CSF1R: variants seen among roughly 807,000 people sequenced by gnomAD.
The protein encoded by CSF1R is colony stimulating factor 1 receptor, also known as macrophage colony-stimulating factor 1 receptor.
In CSF1R, 40 loss-of-function variants were observed where a neutral mutation model predicts 110.0. That is an observed-to-expected ratio of 0.36 (90% CI 0.28 to 0.47). The LOEUF (loss-of-function observed/expected upper bound fraction) is 0.47. Among genes scored for constraint, CSF1R ranks in the 20% least tolerant of loss-of-function variants. The pLI is 0.99. For missense variants in CSF1R, 1,052 were observed against 1,253.0 expected (o/e 0.84, Z 2.42); for synonymous variants, 523 against 503.4 (o/e 1.04, Z -0.52).
At chr5:150,092,636 G>A (rs1329157417) in intron 1 of CSF1R, among the ~76,000 whole-genome samples, 3 of 152,090 alleles carry the variant, frequency 2.0e-5, no homozygotes, top group Non-Finnish European at 4.4e-5. Context: ...ATATGCAGGG[G>A]AACTCCCATT....
chr5:150,100,903 G>C (rs1208609241), intron 1 of CSF1R, among the ~76,000 whole-genome samples: 1 of 151,968 alleles, frequency 6.6e-6, no homozygotes, highest in African/African-American at 2.4e-5. Flanking sequence ...ATACAGCTAC[G>C]CACAATTATA....
intron 1 of CSF1R, 134 bp from the exon 2 acceptor site, chr5:150,081,158 G>A: frequency 3.1e-6 from 3 of 968,342 alleles, no homozygotes; most frequent in Non-Finnish European, 4.6e-6. Flanking sequence ...ACGAGCCCCT[G>A]CCCCCTGGTC....
At chr5:150,092,665 C>T (rs955441829) in intron 1 of CSF1R, among the ~76,000 whole-genome samples, 4 of 152,130 alleles carry the variant, frequency 2.6e-5, no homozygotes, top group African/African-American at 7.2e-5. Context: ...CATCAGATCT[C>T]GTGAGACTTA....
chr5:150,072,549 T>A (rs1402729136), intron 6 of CSF1R, among the ~76,000 whole-genome samples: 1 of 152,200 alleles, frequency 6.6e-6, no homozygotes, highest in Non-Finnish European at 1.5e-5. Context: ...TAATACCTGA[T>A]ATACCTGGTA....
chr5:150,070,569 T>C lies in CSF1R; in HGVS notation c.1085A>G (p.His362Arg), dbSNP rs10079250. 121,243 of 1,520,942 alleles carry C rather than the reference T, an allele frequency of 0.08. 6,662 individuals carry two copies. The highest frequency in any genetic ancestry group is 0.32 in the East Asian group (13,139 of 40,666). 94.2% of individuals were successfully genotyped at this position (1,520,942 alleles called of 1,614,324 possible). ...ANATTKDTYR[H>R]TFTLSLPRLK... ...GCGGGGCAGAGAGAGGGTGAAGGTG[T>C]GCCTGCAGGAGAGAATCAGGTGGTG... The change falls in exon 7 of 21, where the codon CAC becomes CGC. Residue 362 changes from histidine to arginine, a missense_variant and splice_region_variant. Around this residue, in one of 5 missense-constraint regions of CSF1R, gnomAD observed 693 missense variants for 735.4 expected, o/e 0.94. Transcript: ENST00000675795.
intron 1 of CSF1R, among the ~76,000 whole-genome samples, chr5:150,085,277 G>GGAAAAAAAAAAAAAAAAAAA (rs1758786208): frequency 1.1e-5 from 1 of 92,470 alleles, no homozygotes; most frequent in African/African-American, 5.6e-5. Flanking sequence ...TCTGTCTCAG[G>GGAAAAAAAAAAAAAAAAAAA]AAAAAAAAAA....
chr5:150,095,698 A>G (rs1196017502), intron 1 of CSF1R, among the ~76,000 whole-genome samples: 1 of 151,986 alleles, frequency 6.6e-6, no homozygotes, highest in Non-Finnish European at 1.5e-5. Flanking sequence ...AGAACAAAAG[A>G]GTTAGGGAAA....
upstream of CSF1R, among the ~76,000 whole-genome samples, chr5:150,088,842 A>G (rs974337584): frequency 6.6e-6 from 1 of 152,198 alleles, no homozygotes; most frequent in Non-Finnish European, 1.5e-5. Flanking sequence ...CCACCAGCAA[A>G]CCAAATCTAA....
intron 1 of CSF1R, among the ~76,000 whole-genome samples, chr5:150,109,315 C>A (rs1581356533): frequency 6.6e-6 from 1 of 152,142 alleles, no homozygotes; most frequent in African/African-American, 2.4e-5. Flanking sequence ...TCCGATGGGA[C>A]CACTGGTAGG....
chr5:150,084,422 G>C (rs1215894532), intron 1 of CSF1R, among the ~76,000 whole-genome samples: 1 of 61,634 alleles, frequency 1.6e-5, no homozygotes. Flanking sequence ...AAGGAAGGAA[G>C]GAAGGAAGGA....
intron 1 of CSF1R, among the ~76,000 whole-genome samples, chr5:150,084,324 C>T (rs970553313): frequency 7.7e-5 from 10 of 130,408 alleles, no homozygotes; most frequent in African/African-American, 1.7e-4. Flanking sequence ...GAGCAAGACT[C>T]GGTCTCAAAA....
At chr5:150,065,301 C>T (rs952091407) in intron 10 of CSF1R, among the ~76,000 whole-genome samples, 7 of 152,196 alleles carry the variant, frequency 4.6e-5, no homozygotes, top group African/African-American at 4.8e-5. Context: ...CCTCCTGTTG[C>T]TCCTCAGAGC....
chr5:150,060,546 G>A (rs551669663), intron 13 of CSF1R, among the ~76,000 whole-genome samples: 2 of 152,128 alleles, frequency 1.3e-5, no homozygotes, highest in African/African-American at 2.4e-5. Flanking sequence ...TTCATAAGAG[G>A]TAGGCGGGGG....
At chr5:150,105,457 C>A (rs112064419) in intron 1 of CSF1R, among the ~76,000 whole-genome samples, 1 of 148,090 alleles carries the variant, frequency 6.8e-6, no homozygotes, top group South Asian at 2.1e-4. Context: ...CTCAAGTGAT[C>A]TGCCCGTTTT....
chr5:150,105,394 T>C (rs1371175748), intron 1 of CSF1R, among the ~76,000 whole-genome samples: 1 of 140,732 alleles, frequency 7.1e-6, no homozygotes, highest in African/African-American at 2.7e-5. Flanking sequence ...ATTTTTTTTT[T>C]TTTAATAGAG....
At chr5:150,102,084 G>C (rs1581349702) in intron 1 of CSF1R, among the ~76,000 whole-genome samples, 1 of 152,104 alleles carries the variant, frequency 6.6e-6, no homozygotes, top group Non-Finnish European at 1.5e-5. Context: ...TGCAAACAAT[G>C]CTCAGTGGAC....
upstream of CSF1R, chr5:150,086,695 G>T (rs1228869916): frequency 6.8e-6 from 3 of 438,228 alleles, no homozygotes; most frequent in Admixed American, 1.0e-4. Flanking sequence ...GTCGCAGTCT[G>T]GGGCAGGGCC....
intron 1 of CSF1R, among the ~76,000 whole-genome samples, chr5:150,096,407 GA>G (rs1759224107): frequency 6.6e-6 from 1 of 152,090 alleles, no homozygotes; most frequent in Non-Finnish European, 1.5e-5. Flanking sequence ...AAGAAAGAAA[GA>G]AAGAGAGAAT....
rs910040602 is a variant in CSF1R, at chr5:150,070,559, G to A, written c.1095C>T (p.Thr365=). 6.5e-7 allele frequency: 1 copy of A among 1,533,158 alleles called. No individual in the cohort carries two copies. The highest frequency in any genetic ancestry group is 8.8e-7 in the Non-Finnish European group (1 of 1,139,486). The allele number at this position is 1,533,158 out of a possible 1,614,324, so 95.0% of individuals were successfully genotyped here. ...TTKDTYRHTF[T]LSLPRLKPSE... ...AGGGCTTCAGGCGGGGCAGAGAGAG[G>A]GTGAAGGTGTGCCTGCAGGAGAGAA... The change falls in exon 7 of 21, where the codon ACC becomes ACT. Residue 365 remains threonine (T), a synonymous_variant. Transcript: ENST00000675795.
Sources: gnomAD v4.1 joint callset for allele counts (sites outside exome capture counted in the v4.1 genomes callset) on GRCh38, gnomAD v4.1.1 for gene constraint, gnomAD v4.1.1 regional missense constraint, MANE v1.5 for transcripts, NCBI Gene and HGNC (gene_info 2026-07-23, HGNC 2026-07-21) for gene names.